KIT: variants seen among roughly 807,000 people sequenced by gnomAD.
KIT encodes the protein mast/stem cell growth factor receptor Kit.
KIT carries 16 observed loss-of-function variants against 105.7 expected under a neutral mutation model. The ratio of observed to expected loss-of-function variants is 0.15; its 90% confidence interval spans 0.10 to 0.23. The LOEUF (loss-of-function observed/expected upper bound fraction) is 0.23. Among genes scored for constraint, KIT ranks in the 10% least tolerant of loss-of-function variants. KIT has a pLI of 1.00. For synonymous variants in KIT, 438 were observed against 441.1 expected (o/e 0.99, Z 0.09); for missense variants, 858 against 1,213.8 (o/e 0.71, Z 4.36).
At chr4:54,665,590 A>T (rs933998065) in intron 1 of KIT, among the ~76,000 whole-genome samples, 3 of 152,060 alleles carry the variant, frequency 2.0e-5, no homozygotes, top group African/African-American at 7.2e-5. Context: ...CACTGATGAG[A>T]TTGAGGGGAA....
At chr4:54,688,830 C>T (rs1560388535) in intron 1 of KIT, among the ~76,000 whole-genome samples, 1 of 152,160 alleles carries the variant, frequency 6.6e-6, no homozygotes, top group Non-Finnish European at 1.5e-5. Flanking sequence ...AGGCTCTGCC[C>T]CAGTCACAGT....
At chr4:54,725,770 G>C in intron 8 of KIT, 87 bp from the exon 9 acceptor site, 1 of 1,228,810 alleles carries the variant, frequency 8.1e-7, no homozygotes, top group Non-Finnish European at 1.2e-6. Context: ...CTCTAACTTT[G>C]TTTTAAAAGT....
intron 1 of KIT, among the ~76,000 whole-genome samples, chr4:54,679,854 A>G (rs971623348): frequency 6.6e-6 from 1 of 152,234 alleles, no homozygotes; most frequent in Non-Finnish European, 1.5e-5. Flanking sequence ...AACTTTTACA[A>G]ATGATACAAC....
rs773828910 is a variant in KIT at position 54,738,507 on chromosome 4, G to A, written c.2881G>A (p.Gly961Ser). ...CCATTCTGTGCGGATCAATTCTGTC[G>A]GCAGCACCGCTTCCTCCTCCCAGCC... The part of the protein sequence containing the change: ...VDHSVRINSV[G>S]STASSSQPLL... The change falls in exon 21 of 21, where the codon GGC becomes AGC. Residue 961 changes from glycine (G) to serine (S), a missense_variant. This residue lies in a region of KIT where 105 missense variants were observed against 103.5 expected (regional missense o/e 1.01). Coordinates refer to ENST00000288135, the MANE Select transcript of KIT (RefSeq NM_000222.3). 19 of 1,613,918 alleles carry A rather than the reference G, an allele frequency of 1.2e-5. No individual in the cohort carries two copies. Among genetic ancestry groups the A allele is most frequent in the Non-Finnish European group, 1.4e-5 (17 of 1,180,006 alleles).
intron 15 of KIT, 108 bp downstream of exon 15, chr4:54,731,527 C>G (rs772562836): frequency 3.5e-6 from 3 of 857,214 alleles, no homozygotes; most frequent in Non-Finnish European, 5.9e-6. Flanking sequence ...CAGACCAGTT[C>G]TGCTTTATGG....
chr4:54,737,089 T>A, intron 19 of KIT, 86 bp from the exon 20 acceptor site: 1 of 869,132 alleles, frequency 1.2e-6, no homozygotes, highest in Non-Finnish European at 2.0e-6. Flanking sequence ...AGCCCTGGAA[T>A]TATTACTGAA....
intron 1 of KIT, among the ~76,000 whole-genome samples, chr4:54,688,761 T>G (rs1193158502): frequency 6.6e-6 from 1 of 151,688 alleles, no homozygotes. Flanking sequence ...GAATATTTTA[T>G]TTTTACGAAT....
At chr4:54,700,381 T>A (rs1475011245) in intron 4 of KIT, among the ~76,000 whole-genome samples, 1 of 152,238 alleles carries the variant, frequency 6.6e-6, no homozygotes, top group Non-Finnish European at 1.5e-5. Context: ...ATGCTTACGT[T>A]CCCATTCATT....
At chr4:54,728,233 C>T in intron 13 of KIT, 112 bp downstream of exon 13, 1 of 780,132 alleles carries the variant, frequency 1.3e-6, no homozygotes, top group Non-Finnish European at 2.2e-6. Flanking sequence ...TTTTTTTACC[C>T]AGACTGTTGT....
At position 54,740,297 on chromosome 4, in the gene KIT, T is replaced by G. The variant is rs942278238; in HGVS notation, c.*1740T>G. On this transcript the variant is annotated 3_prime_UTR_variant, in exon 21 of 21. Coordinates refer to ENST00000288135, the MANE Select transcript of KIT (RefSeq NM_000222.3). ...CAAGAGATTGTTGTTTGCCATACTT[T>G]GTCTGAAAAATTCCTTTGTGTTTCT... is the stretch of plus-strand genomic sequence containing the variant. The G allele has an allele frequency of 3.4e-5, 8 of 233,488 alleles. No individual in the cohort carries two copies. Among genetic ancestry groups the G allele is most frequent in the African/African-American group, 1.8e-4 (8 of 45,340 alleles). 14.5% of individuals were successfully genotyped at this position (233,488 alleles called of 1,614,324 possible).
At chr4:54,719,420 T>C (rs1211930353) in intron 7 of KIT, among the ~76,000 whole-genome samples, 1 of 152,178 alleles carries the variant, frequency 6.6e-6, no homozygotes, top group Non-Finnish European at 1.5e-5. Flanking sequence ...ATCTGTGGGG[T>C]AAATCACTGG....
chr4:54,676,704 T>C (rs1275699847), intron 1 of KIT, among the ~76,000 whole-genome samples: 1 of 152,196 alleles, frequency 6.6e-6, no homozygotes, highest in Non-Finnish European at 1.5e-5. Flanking sequence ...TCTGTCTCCG[T>C]AGATCCCTTT....
Position 54,658,079 on chromosome 4 carries a change from C to A in KIT, c.65C>A (p.Thr22Lys), listed in dbSNP as rs769943127. The A allele has an allele frequency of 6.2e-7, 1 of 1,613,846 alleles. No individual in the cohort carries two copies. Among genetic ancestry groups the A allele is most frequent in the Non-Finnish European group, 8.5e-7 (1 of 1,179,862 alleles). ...CTGCTCCTACTGCTTCGCGTCCAGA[C>A]AGGTGGGACACCGCGGCTGGCACCC... ...CVLLLLLRVQ[T>K]GSSQPSVSPG... Residue 22 changes from threonine to lysine, a missense_variant and splice_region_variant, in exon 1 of 21, where the codon ACA becomes AAA. Thr to Lys is a moderately conservative substitution (Grantham distance 78, BLOSUM62 -1). Transcript: ENST00000288135.
rs756463331 is a variant in KIT, at chr4:54,738,453, A to C, written c.2827A>C (p.Ser943Arg). ...NHIYSNLANC[S>R]PNRQKPVVDH... ...GATTTACTCCAACTTAGCAAACTGC[A>C]GCCCCAACCGACAGAAGCCCGTGGT... The change falls in exon 21 of 21, where the codon AGC becomes CGC. Residue 943 changes from serine (S) to arginine (R), a missense_variant. This residue lies in a region of KIT where 105 missense variants were observed against 103.5 expected (regional missense o/e 1.01). Coordinates refer to ENST00000288135, the MANE Select transcript of KIT (RefSeq NM_000222.3). 5.0e-6 allele frequency: 8 copies of C among 1,614,100 alleles called. No homozygotes were observed. Among genetic ancestry groups the C allele is most frequent in the Non-Finnish European group, 5.9e-6 (7 of 1,179,992 alleles).
At chr4:54,663,421 A>C (rs1181297889) in intron 1 of KIT, among the ~76,000 whole-genome samples, 1 of 152,194 alleles carries the variant, frequency 6.6e-6, no homozygotes, top group Admixed American at 6.5e-5. Flanking sequence ...GCATAGAGGA[A>C]GTGTGTGGAC....
At chr4:54,716,791 G>A (rs549210730) in intron 7 of KIT, among the ~76,000 whole-genome samples, 4 of 152,280 alleles carry the variant, frequency 2.6e-5, no homozygotes, top group African/African-American at 9.6e-5. Context: ...GAGTGACCTT[G>A]CTTAAGTGGC....
intron 1 of KIT, among the ~76,000 whole-genome samples, chr4:54,672,910 G>T (rs1718213508): frequency 6.6e-6 from 1 of 152,156 alleles, no homozygotes; most frequent in South Asian, 2.1e-4. Context: ...TAAAGGTCAG[G>T]TTGGCTAGTA....
intron 17 of KIT, chr4:54,733,416 G>A (rs1722726577): frequency 4.3e-6 from 2 of 469,104 alleles, no homozygotes; most frequent in Non-Finnish European, 7.8e-6. Context: ...GTAATTTTGG[G>A]GCATGTGAAG....
At chr4:54,672,064 A>G (rs1447764608) in intron 1 of KIT, among the ~76,000 whole-genome samples, 3 of 152,220 alleles carry the variant, frequency 2.0e-5, no homozygotes, top group South Asian at 4.1e-4. Flanking sequence ...TTGAAGATAC[A>G]TAAAAATATA....
Sources: gnomAD v4.1 joint callset for allele counts (sites outside exome capture counted in the v4.1 genomes callset) on GRCh38, gnomAD v4.1.1 for gene constraint, gnomAD v4.1.1 regional missense constraint, MANE v1.5 for transcripts, NCBI Gene and HGNC (gene_info 2026-07-23, HGNC 2026-07-21) for gene names.